MRTFB: variants seen among roughly 807,000 people sequenced by gnomAD.
The protein encoded by MRTFB is myocardin-related transcription factor B.
Under a neutral mutation model 104.2 loss-of-function variants are expected in MRTFB, and 29 were observed. That is an observed-to-expected ratio of 0.28 (90% confidence interval 0.21 to 0.38). MRTFB has a LOEUF of 0.38. Ranked by LOEUF, MRTFB falls within the 10% of genes least tolerant of loss-of-function variation. The pLI, the probability that MRTFB is intolerant of heterozygous loss-of-function variation, is 1.00. For synonymous variants in MRTFB, 535 were observed against 519.5 expected (o/e 1.03, Z -0.41); for missense variants, 1,270 against 1,341.6 (o/e 0.95, Z 0.83).
intron 2 of MRTFB, among the ~76,000 whole-genome samples, chr16:14,082,518 G>A (rs756045919): frequency 6.6e-6 from 1 of 152,096 alleles, no homozygotes; most frequent in African/African-American, 2.4e-5. Context: ...TCTGGGTGCC[G>A]TGGCTCAAAT....
chr16:14,124,971 G>T (rs754607459), intron 2 of MRTFB, among the ~76,000 whole-genome samples: 1 of 152,140 alleles, frequency 6.6e-6, no homozygotes. Context: ...CCTTGCTGGT[G>T]TATAGGGTTG....
chr16:14,086,125 G>A (rs1052816074), intron 2 of MRTFB, among the ~76,000 whole-genome samples: 4 of 152,092 alleles, frequency 2.6e-5, no homozygotes, highest in Non-Finnish European at 5.9e-5. Flanking sequence ...GTGTGGCTCC[G>A]CATTTCATTA....
Position 14,247,189 on chromosome 16 carries a change from A to G in MRTFB, c.1929A>G (p.Ser643=), listed in dbSNP as rs140598795. The G allele has an allele frequency of 7.5e-3, 12,086 of 1,613,932 alleles. 52 individuals carry two copies. Among genetic ancestry groups the G allele is most frequent in the Non-Finnish European group, 9.6e-3 (11,282 of 1,180,002 alleles). Residue 643 remains serine (S), a synonymous_variant, in exon 12 of 17, where the codon TCA becomes TCG. Transcript: ENST00000571589. ...GCTCCTCCATCAAAGATGAGGCCTC[A>G]CTCCCTGACTGCTCCAGCTCCAGGC... is the stretch of plus-strand genomic sequence containing the variant. The part of the protein sequence containing the change: ...SLGSSIKDEA[S]LPDCSSSRQP...
chr16:14,242,245 G>T (rs1298681694), intron 10 of MRTFB, among the ~76,000 whole-genome samples: 1 of 152,058 alleles, frequency 6.6e-6, no homozygotes, highest in Non-Finnish European at 1.5e-5. Flanking sequence ...GAATCCATCA[G>T]AGGTGTGGGC....
intron 11 of MRTFB, 87 bp from the exon 12 acceptor site, chr16:14,246,386 C>A: frequency 7.5e-7 from 1 of 1,336,284 alleles, no homozygotes; most frequent in Non-Finnish European, 1.0e-6. Flanking sequence ...GTCTGACAGA[C>A]ATAGGCACCT....
At chr16:14,119,135 G>C (rs148394790) in intron 2 of MRTFB, among the ~76,000 whole-genome samples, 100 of 152,246 alleles carry the variant, frequency 6.6e-4, no homozygotes, top group South Asian at 4.1e-3. Flanking sequence ...TTGTGAATCG[G>C]GCAGCCCCCA....
the MRTFB span, among the ~76,000 whole-genome samples, chr16:14,015,695 C>G: frequency 1.6e-4 from 24 of 152,090 alleles, no homozygotes; most frequent in Admixed American, 2.0e-4. Context: ...AGTTCTGACC[C>G]TTGGTTTTCT....
chr16:14,230,950 G>A (rs1484156546), intron 8 of MRTFB, among the ~76,000 whole-genome samples: 2 of 151,228 alleles, frequency 1.3e-5, no homozygotes, highest in Admixed American at 1.3e-4. Context: ...ATACTATGCA[G>A]CCATAAAAAA....
chr16:14,062,652 G>C, the MRTFB span, among the ~76,000 whole-genome samples: 1 of 152,172 alleles, frequency 6.6e-6, no homozygotes, highest in Non-Finnish European at 1.5e-5. Context: ...ACGCGAGCTG[G>C]TTTAAGCAGA....
At chr16:14,042,393 G>A in the MRTFB span, among the ~76,000 whole-genome samples, 2 of 152,112 alleles carry the variant, frequency 1.3e-5, no homozygotes, top group African/African-American at 4.8e-5. Flanking sequence ...TAAAGTGCTG[G>A]GACTACAGGT....
chr16:14,212,285 G>C, intron 4 of MRTFB, 69 bp from the exon 5 acceptor site: 1 of 1,456,522 alleles, frequency 6.9e-7, no homozygotes, highest in Non-Finnish European at 9.6e-7. Flanking sequence ...TTATCACCAT[G>C]GTATACTATA....
chr16:14,000,213 G>A, the MRTFB span, among the ~76,000 whole-genome samples: 1 of 152,252 alleles, frequency 6.6e-6, no homozygotes, highest in Non-Finnish European at 1.5e-5. Context: ...TGGCTTCACA[G>A]TTATCTCTCT....
At chr16:14,193,944 A>G (rs1204889538) in intron 3 of MRTFB, among the ~76,000 whole-genome samples, 1 of 152,206 alleles carries the variant, frequency 6.6e-6, no homozygotes, top group African/African-American at 2.4e-5. Flanking sequence ...TGATGGGTTT[A>G]TCAGAGTATT....
At chr16:14,041,357 T>C in the MRTFB span, among the ~76,000 whole-genome samples, 1 of 152,328 alleles carries the variant, frequency 6.6e-6, no homozygotes, top group African/African-American at 2.4e-5. Flanking sequence ...CTCCTAACCC[T>C]AGCCCCCGGC....
chr16:14,193,713 TG>T (rs1386414234), intron 3 of MRTFB: 8 of 152,198 alleles, frequency 5.3e-5, no homozygotes, highest in Non-Finnish European at 1.2e-4. Flanking sequence ...GTTTATTTCC[TG>T]GGATAGAATA....
At chr16:14,073,435 TA>T (rs1488356052) in intron 1 of MRTFB, among the ~76,000 whole-genome samples, 1 of 152,236 alleles carries the variant, frequency 6.6e-6, no homozygotes. Context: ...ATAGGAATTA[TA>T]AAAGGAAATT....
the MRTFB span, among the ~76,000 whole-genome samples, chr16:13,994,930 G>C: frequency 5.9e-5 from 9 of 152,286 alleles, 1 homozygote; most frequent in Non-Finnish European, 7.3e-5. Flanking sequence ...ACTTTTGTCT[G>C]CTGGGCTAGG....
intron 3 of MRTFB, among the ~76,000 whole-genome samples, chr16:14,201,408 T>C (rs2040698046): frequency 6.6e-6 from 1 of 152,248 alleles, no homozygotes; most frequent in African/African-American, 2.4e-5. Flanking sequence ...GAGAAAGTTT[T>C]GCTTCCATGG....
In MRTFB at chr16:14,218,843, C is replaced by G; in HGVS notation, c.538C>G (p.His180Asp). ...AGGCGTTGGGAAGGAGGACTATCCC[C>G]ACACTCAGGGCGATTTCTCATTTGA... ...IIGVGKEDYPHTQGDFSFDED... is the reference protein window; with the variant it reads ...IIGVGKEDYPDTQGDFSFDED... Residue 180 changes from histidine to aspartate, a missense_variant, in exon 8 of 17, where the codon CAC becomes GAC. By Grantham distance (81) the His-to-Asp change is moderately conservative. Coordinates refer to ENST00000571589, the MANE Select transcript of MRTFB (RefSeq NM_001308142.2). The G allele has an allele frequency of 6.2e-7, 1 of 1,609,010 alleles. No homozygotes were observed.
Sources: allele counts gnomAD v4.1 joint callset (sites outside exome capture counted in the v4.1 genomes callset), GRCh38; gene constraint gnomAD v4.1.1; transcripts MANE v1.5; gene names NCBI Gene and HGNC (gene_info 2026-07-23, HGNC 2026-07-21).